Variants in ZNF571 observed in about 807,000 individuals in gnomAD.
ZNF571 encodes zinc finger protein 571.
In ZNF571, 4 loss-of-function variants were observed where a neutral mutation model predicts 7.7. That is an observed-to-expected ratio of 0.52 (90% CI 0.25 to 1.18). The LOEUF (loss-of-function observed/expected upper bound fraction) is 1.18, where lower values mean the gene tolerates loss of function less well. ZNF571 is among the 50% of genes most tolerant of loss of function. The probability of loss-of-function intolerance (pLI) is 0.14; values close to 1 mark genes in which losing one functional copy is unlikely to be tolerated. For missense variants in ZNF571, 704 were observed against 726.9 expected, an observed-to-expected ratio of 0.97 and a Z score of 0.36; for synonymous variants, 251 against 232.4, an observed-to-expected ratio of 1.08 and a Z score of -0.73.
intron 2 of ZNF571, chr19:37,585,187 C>A (rs891650719): frequency 6.6e-6 from 1 of 152,252 alleles, no homozygotes; most frequent in African/African-American, 2.4e-5. Flanking sequence ...ATCATCCTCT[C>A]TCATTGGTTC....
chr19:37,587,592 CT>C (rs199760691), intron 1 of ZNF571, among the ~76,000 whole-genome samples: 39,713 of 144,560 alleles, frequency 0.27, 6,074 homozygotes, highest in Non-Finnish European at 0.37. Context: ...TAGCACTGAT[CT>C]TTTTTTTTTT....
chr19:37,580,046 A>G lies in ZNF571; in HGVS notation c.136+3925T>C, dbSNP rs536460669. ...CTCATAAGCTTTATCGTATGAGGCT[A>G]TATTTACAGCACGGATAGACATTGA... On this transcript the variant is annotated intron_variant, in intron 3 of 3. Transcript: ENST00000451802. Among the ~76,000 whole-genome samples, 25 of 152,366 alleles carry G rather than the reference A, an allele frequency of 1.6e-4. 2 individuals carry two copies. In the South Asian group the frequency reaches 4.1e-3, roughly 25 times the overall value.
In ZNF571 at chr19:37,565,674, C is replaced by T; in HGVS notation, c.754G>A (p.Glu252Lys). ...QRVHTGEKPY[E>K]CKKCGKAFSY... ...AAGGCTTTTCCACATTTCTTACATTCATATGGTTTCTCTCCTGTATGAACT... is the reference window on the plus strand; with the variant it reads ...AAGGCTTTTCCACATTTCTTACATTTATATGGTTTCTCTCCTGTATGAACT... The change falls in exon 4 of 4, where the codon GAA becomes AAA. Residue 252 changes from glutamate to lysine, a missense_variant. Transcript: ENST00000451802. The T allele has an allele frequency of 6.2e-7, 1 of 1,613,576 alleles. No individual in the cohort carries two copies. Among genetic ancestry groups the T allele is most frequent in the Non-Finnish European group, 8.5e-7 (1 of 1,179,800 alleles).
rs73617141 is a variant in ZNF571, at chr19:37,571,213, C to T, written c.137-4922G>A. Among the ~76,000 whole-genome samples, 902 of 152,108 alleles carry T rather than the reference C, an allele frequency of 5.9e-3. 10 individuals carry two copies. The highest frequency in any genetic ancestry group is 0.02 in the African/African-American group (849 of 41,514). ...GATTTTGCCTTACAAATTCAAACTACGATTCCAGGCACGGTGGCTCATGCC... is the reference window on the plus strand; with the variant it reads ...GATTTTGCCTTACAAATTCAAACTATGATTCCAGGCACGGTGGCTCATGCC... On this transcript the variant is annotated intron_variant, in intron 3 of 3. Transcript: ENST00000451802.
In ZNF571 at chr19:37,564,706, AG is replaced by A; in HGVS notation, c.1721del (p.Thr574IlefsTer94). 6.2e-7 allele frequency: 1 copy of A among 1,613,676 alleles called. No individual in the cohort carries two copies. On this transcript the variant is annotated frameshift_variant, in exon 4 of 4. Transcript: ENST00000451802. LOFTEE classifies it low-confidence loss of function (END_TRUNC). ...CACCAGTATGGATCCTTTGATGCAG[AG>A]TAAGTTCTGAGCCACGACTAAAGGC... ...GRAFSRGSEL[T>X]LHQRIHTGEK...
Position 37,569,156 on chromosome 19 carries a change from T to C in ZNF571, c.137-2865A>G, listed in dbSNP as rs185088639. Reference sequence around the variant, plus strand: ...TTAGTAGAGATAGGCCTTCACCATATTGGTCAGGCTGGTCTCAAATTCCTG... The same window carrying C: ...TTAGTAGAGATAGGCCTTCACCATACTGGTCAGGCTGGTCTCAAATTCCTG... On this transcript the variant is annotated intron_variant, in intron 3 of 3. Coordinates refer to ENST00000451802, the MANE Select transcript of ZNF571 (RefSeq NM_016536.5). The surrounding 1 kb of genome is among the most constrained non-coding windows in gnomAD (Gnocchi z 4.4). Among the ~76,000 whole-genome samples, 11 of 152,188 alleles carry C rather than the reference T, an allele frequency of 7.2e-5. No homozygotes were observed. The highest frequency in any genetic ancestry group is 1.5e-5 in the Non-Finnish European group (1 of 68,006).
At chr19:37,577,691 A>C (rs2043290662) in intron 3 of ZNF571, among the ~76,000 whole-genome samples, 1 of 152,240 alleles carries the variant, frequency 6.6e-6, no homozygotes, top group African/African-American at 2.4e-5. Context: ...ATAGCCGGCT[A>C]TTCAGAACAG....
At chr19:37,572,210 T>A (rs2043084907) in intron 3 of ZNF571, among the ~76,000 whole-genome samples, 1 of 20,460 alleles carries the variant, frequency 4.9e-5, no homozygotes, top group Admixed American at 6.4e-4. Context: ...AAATAAAACA[T>A]TCAGTTGTCA....
chr19:37,583,906 A>C, intron 3 of ZNF571, 65 bp downstream of exon 3: 1 of 1,511,048 alleles, frequency 6.6e-7, no homozygotes, highest in Non-Finnish European at 8.9e-7. Context: ...GAGATCAGAA[A>C]TTCACAATGA....
At position 37,565,591 on chromosome 19, in the gene ZNF571, A is replaced by C. The variant is rs746127433; in HGVS notation, c.837T>G (p.Tyr279Ter). The C allele has an allele frequency of 8.7e-6, 14 of 1,613,500 alleles. No individual in the cohort carries two copies. The East Asian group carries it at 2.9e-4, about 33-fold the overall frequency. Residue 279 changes from tyrosine to a stop codon, truncating the protein, a stop_gained, in exon 4 of 4, where the codon TAT (tyrosine) becomes TAG (stop). Transcript: ENST00000451802. LOFTEE classifies it low-confidence loss of function (END_TRUNC). ...AGGCCTTCCCACAATCCTTACATTC[A>C]TAGGGTTTTTCACCACTATGAATTC... is the stretch of plus-strand genomic sequence containing the variant. Reference protein sequence around the residue: ...HQRIHSGEKPYECKDCGKAFI... With the variant: ...HQRIHSGEKP
chr19:37,588,501 G>A (rs1288552615), intron 1 of ZNF571, among the ~76,000 whole-genome samples: 1 of 152,120 alleles, frequency 6.6e-6, no homozygotes, highest in African/African-American at 2.4e-5. Context: ...TGGAAGCTAA[G>A]CACTGGGTAC....
At chr19:37,594,294 T>C (rs763966352) in intron 1 of ZNF571, 4 of 152,124 alleles carry the variant, frequency 2.6e-5, no homozygotes, top group Admixed American at 2.6e-4. Flanking sequence ...ACACGAGGAG[T>C]ACTGCGGCCC....
rs1183017996 is a variant in ZNF571, at chr19:37,566,401, A to C, written c.137-110T>G. On this transcript the variant is annotated intron_variant, in intron 3 of 3. Transcript: ENST00000451802. ...ATTCTCATTAAGAATAGAATGGCTT[A>C]AACAGTACAGAAATATTTTCTGCCA... 1.1e-5 allele frequency: 14 copies of C among 1,256,138 alleles called. No homozygotes were observed. In the East Asian group the frequency reaches 3.1e-4, roughly 28 times the overall value. 77.8% of individuals were successfully genotyped at this position (1,256,138 alleles called of 1,614,324 possible).
In ZNF571 at chr19:37,565,322, C is replaced by T. The variant is rs367979710; in HGVS notation, c.1106G>A (p.Gly369Glu). Residue 369 changes from glycine (G) to glutamate (E), a missense_variant, in exon 4 of 4, where the codon GGG (glycine) becomes GAG (glutamate). By Grantham distance (98) the Gly-to-Glu change is moderately conservative (BLOSUM62 -2). Transcript: ENST00000451802. Reference protein sequence around the residue: ...GEKPYECKECGKTFFRGSQLT... With the variant: ...GEKPYECKECEKTFFRGSQLT... Reference sequence around the variant, plus strand: ...TTGTGAGCCACGAAAAAAGGTCTTCCCGCATTCTTTACATTCATAGGGTTT... The same window carrying T: ...TTGTGAGCCACGAAAAAAGGTCTTCTCGCATTCTTTACATTCATAGGGTTT... The T allele has an allele frequency of 2.5e-6, 4 of 1,612,164 alleles. No individual in the cohort carries two copies. Among genetic ancestry groups the T allele is most frequent in the Admixed American group, 1.7e-5 (1 of 59,752 alleles).
Position 37,566,108 on chromosome 19 carries a change from TA to T in ZNF571, c.319del (p.Tyr107ThrfsTer25). The T allele has an allele frequency of 1.9e-6, 3 of 1,614,092 alleles. No individual in the cohort carries two copies. Among genetic ancestry groups the T allele is most frequent in the Non-Finnish European group, 2.5e-6 (3 of 1,179,944 alleles). On this transcript the variant is annotated frameshift_variant, in exon 4 of 4. Transcript: ENST00000451802. LOFTEE classifies it low-confidence loss of function (END_TRUNC). ...TTCACAGGTAATTTTGACACACATG[TA>T]AAGCCCTTCCTGACTTGCTTCTTGA... ...EGQEASQEGLYMCVKITCEEK... is the reference protein window; with the variant it reads ...EGQEASQEGLXMCVKITCEEK...
chr19:37,565,398 A>C lies in ZNF571; in HGVS notation c.1030T>G (p.Phe344Val), dbSNP rs2042817658. The C allele has an allele frequency of 1.2e-6, 2 of 1,613,744 alleles. No homozygotes were observed. Among genetic ancestry groups the C allele is most frequent in the Non-Finnish European group, 1.7e-6 (2 of 1,179,876 alleles). ...PYICKECGKA[F>V]LCASQLNEHQ... ...TCATTCAGTTGGGAGGCACATAAAAAGGCTTTCCCACATTCTTTACATATG... is the reference window on the plus strand; with the variant it reads ...TCATTCAGTTGGGAGGCACATAAAACGGCTTTCCCACATTCTTTACATATG... The change falls in exon 4 of 4, where the codon TTT becomes GTT. Residue 344 changes from phenylalanine (F) to valine (V), a missense_variant. Phe to Val is a conservative substitution (Grantham distance 50, BLOSUM62 -1). Coordinates refer to ENST00000451802, the MANE Select transcript of ZNF571 (RefSeq NM_016536.5).
chr19:37,593,753 A>G (rs1416873304), intron 1 of ZNF571, among the ~76,000 whole-genome samples: 1 of 152,050 alleles, frequency 6.6e-6, no homozygotes, highest in African/African-American at 2.4e-5. Flanking sequence ...GGACTGCTGT[A>G]TCATTGGGTG....
chr19:37,586,489 GA>G (rs1162118713), intron 2 of ZNF571, 178 bp downstream of exon 2: 14 of 661,430 alleles, frequency 2.1e-5, no homozygotes, highest in Middle Eastern at 3.5e-4. Flanking sequence ...ACTGTTTGGA[GA>G]GGGGAAAAGC....
intron 2 of ZNF571, chr19:37,585,326 C>T (rs539367192): frequency 6.6e-6 from 1 of 152,182 alleles, no homozygotes; most frequent in Non-Finnish European, 1.5e-5. Context: ...AATTACTTTG[C>T]TTGACTTTGT....
Sources: gnomAD v4.1 joint callset for allele counts (sites outside exome capture counted in the v4.1 genomes callset) on GRCh38, gnomAD v4.1.1 for gene constraint, Gnocchi (gnomAD v3.1) non-coding constraint, MANE v1.5 for transcripts, NCBI Gene and HGNC (gene_info 2026-07-23, HGNC 2026-07-21) for gene names.